Variants in BID observed in about 807,000 individuals in gnomAD.
BID encodes BH3 interacting domain death agonist.
BID carries 19 observed loss-of-function variants against 17.4 expected under a neutral mutation model. The ratio of observed to expected loss-of-function variants is 1.09; its 90% CI spans 0.76 to 1.60. BID has a LOEUF of 1.60. BID is among the 40% of genes most tolerant of loss of function. The pLI is 0.00. For missense variants in BID, 226 were observed against 256.0 expected (o/e 0.88, Z 0.80); for synonymous variants, 108 against 102.8 (o/e 1.05, Z -0.31).
chr22:17,742,311 G>A (rs1252465138), intron 3 of BID, among the ~76,000 whole-genome samples: 4 of 152,182 alleles, frequency 2.6e-5, no homozygotes, highest in Non-Finnish European at 4.4e-5. Flanking sequence ...GGCAGACTGG[G>A]GCTACAGTCA....
At chr22:17,750,004 G>C (rs1487870438) in intron 2 of BID, 101 bp downstream of exon 2, 1 of 1,203,156 alleles carries the variant, frequency 8.3e-7, no homozygotes, top group Non-Finnish European at 1.2e-6. Flanking sequence ...GGCCAGGCGG[G>C]CTCAGCCTCA....
At chr22:17,757,994 G>C (rs1223458300) in intron 1 of BID, among the ~76,000 whole-genome samples, 1 of 152,224 alleles carries the variant, frequency 6.6e-6, no homozygotes, top group Non-Finnish European at 1.5e-5. Flanking sequence ...GCCATGTGGG[G>C]CTGACAGCAT....
intron 1 of BID, among the ~76,000 whole-genome samples, chr22:17,756,388 C>CTT (rs138974717): frequency 2.1e-5 from 3 of 140,914 alleles, no homozygotes; most frequent in Non-Finnish European, 3.0e-5. Context: ...TCTTTCTGTT[C>CTT]TCTTTCTTTC....
chr22:17,749,161 C>A (rs1325363812), intron 2 of BID, among the ~76,000 whole-genome samples: 1 of 152,140 alleles, frequency 6.6e-6, no homozygotes, highest in African/African-American at 2.4e-5. Context: ...CGTGAGGCGC[C>A]CAGAGGCTGC....
At position 17,773,157 on chromosome 22, in the gene BID, C is replaced by T. The variant is rs1399365639; in HGVS notation, c.-59+1224G>A. On this transcript the variant is annotated intron_variant, in intron 1 of 5. Transcript: ENST00000622694. This position sits in a 1 kb window ranked among gnomAD's most constrained non-coding sequence, Gnocchi z 4.4. ...CCCTGGGCAAGAGGGGCAGAAGGGG[C>T]AGGGACGCACACCCTGGGCCGCAGG... Among the ~76,000 whole-genome samples the T allele has an allele frequency of 6.6e-6, 1 of 152,148 alleles. No homozygotes were observed. Among genetic ancestry groups the T allele is most frequent in the Non-Finnish European group, 1.5e-5 (1 of 68,024 alleles).
At chr22:17,755,082 CTTTTTT>C (rs59654004) in intron 1 of BID, among the ~76,000 whole-genome samples, 5 of 99,252 alleles carry the variant, frequency 5.0e-5, no homozygotes, top group Non-Finnish European at 5.9e-5. Flanking sequence ...TTTTTCTTTT[CTTTTTT>C]TTTTTTTTTT....
intron 1 of BID, among the ~76,000 whole-genome samples, chr22:17,766,648 G>A (rs2061681077): frequency 6.6e-6 from 1 of 151,568 alleles, no homozygotes; most frequent in African/African-American, 2.4e-5. Context: ...GGAGTGCAAT[G>A]GTGTGATCTC....
At chr22:17,738,649 C>T (rs1041586936) in intron 4 of BID, among the ~76,000 whole-genome samples, 6 of 152,124 alleles carry the variant, frequency 3.9e-5, no homozygotes, top group Admixed American at 6.5e-5. Context: ...GACCGTCAGG[C>T]GGTCGGCGCA....
At chr22:17,736,231 TG>T (rs2061418411) in intron 5 of BID, among the ~76,000 whole-genome samples, 1 of 151,936 alleles carries the variant, frequency 6.6e-6, no homozygotes, top group Admixed American at 6.6e-5. Context: ...GAGGCCGAGG[TG>T]GGCGGATCAC....
intron 1 of BID, among the ~76,000 whole-genome samples, chr22:17,752,791 G>A (rs376404855): frequency 4.7e-4 from 72 of 151,740 alleles, no homozygotes; most frequent in African/African-American, 1.6e-3. Context: ...TCAGCCTCCC[G>A]AGTAGCTGGG....
At chr22:17,760,345 G>A (rs772826991) in intron 1 of BID, among the ~76,000 whole-genome samples, 7 of 146,412 alleles carry the variant, frequency 4.8e-5, no homozygotes, top group Non-Finnish European at 9.0e-5. Flanking sequence ...CCAGCTACTC[G>A]AGAGGCTGAG....
chr22:17,752,532 C>T (rs1317899226), intron 1 of BID, among the ~76,000 whole-genome samples: 1 of 152,094 alleles, frequency 6.6e-6, no homozygotes, highest in African/African-American at 2.4e-5. Context: ...CCGATGTTGT[C>T]ACATCATGGA....
At chr22:17,760,686 C>T (rs183530161) in intron 1 of BID, among the ~76,000 whole-genome samples, 32 of 152,174 alleles carry the variant, frequency 2.1e-4, no homozygotes, top group Non-Finnish European at 3.8e-4. Context: ...AGCCCTGGCC[C>T]GGCGCGCTGG....
chr22:17,763,524 G>A (rs931331104), intron 1 of BID, among the ~76,000 whole-genome samples: 4 of 152,154 alleles, frequency 2.6e-5, no homozygotes, highest in Admixed American at 1.3e-4. Context: ...GATTACAGGC[G>A]TGAACCACCG....
At chr22:17,772,065 C>A (rs1601887846) in intron 1 of BID, among the ~76,000 whole-genome samples, 1 of 152,340 alleles carries the variant, frequency 6.6e-6, no homozygotes, top group African/African-American at 2.4e-5. Context: ...GTTACTTAGC[C>A]TCTCCTTGCC....
At position 17,739,495 on chromosome 22, in the gene BID, T is replaced by C; in HGVS notation, c.224-7A>G. The C allele has an allele frequency of 6.2e-7, 1 of 1,610,110 alleles. No individual in the cohort carries two copies. The highest frequency in any genetic ancestry group is 8.5e-7 in the Non-Finnish European group (1 of 1,179,070). On this transcript the variant is annotated splice_polypyrimidine_tract_variant and splice_region_variant and intron_variant, in intron 3 of 5. Transcript: ENST00000622694. The stretch of plus-strand genomic sequence containing the variant: ...TCTTCTTGACTTTCAGAATCTGTGT[T>C]CAGGCAGGGGCGGCAGAGACAGAGC...
At chr22:17,772,233 T>C (rs2061726703) in intron 1 of BID, among the ~76,000 whole-genome samples, 1 of 152,244 alleles carries the variant, frequency 6.6e-6, no homozygotes, top group African/African-American at 2.4e-5. Flanking sequence ...AGACCTGTCA[T>C]TGGCTTGGGG....
At chr22:17,751,021 G>A (rs2061534589) in intron 1 of BID, among the ~76,000 whole-genome samples, 1 of 151,416 alleles carries the variant, frequency 6.6e-6, no homozygotes, top group Admixed American at 6.6e-5. Context: ...GGGCGAGAGT[G>A]AAACCCTGTC....
At chr22:17,767,587 C>T (rs796714404) in intron 1 of BID, among the ~76,000 whole-genome samples, 13 of 152,264 alleles carry the variant, frequency 8.5e-5, no homozygotes, top group African/African-American at 3.1e-4. Flanking sequence ...TCTGATCATC[C>T]AGATTCTCCG....
Sources: gnomAD v4.1 joint callset for allele counts (sites outside exome capture counted in the v4.1 genomes callset) on GRCh38, gnomAD v4.1.1 for gene constraint, Gnocchi (gnomAD v3.1) non-coding constraint, MANE v1.5 for transcripts, NCBI Gene and HGNC (gene_info 2026-07-23, HGNC 2026-07-21) for gene names.